UNC13C: variants seen among roughly 807,000 people sequenced by gnomAD.
UNC13C encodes unc-13 homolog C.
A neutral mutation model predicts 245.4 loss-of-function variants in UNC13C; 174 were observed. That is an observed-to-expected ratio of 0.71 (90% CI 0.63 to 0.80). The LOEUF is 0.80. Among genes scored for constraint, UNC13C ranks in the 30% least tolerant of loss-of-function variants. The pLI, the probability that UNC13C is intolerant of heterozygous loss-of-function variation, is 0.00. For synonymous variants in UNC13C, 992 were observed against 895.1 expected, an observed-to-expected ratio of 1.11 and a Z score of -1.93; for missense variants, 2,829 against 2,602.9, an observed-to-expected ratio of 1.09 and a Z score of -1.89.
At chr15:54,302,989 A>G (rs2037627422) in intron 13 of UNC13C, among the ~76,000 whole-genome samples, 1 of 152,172 alleles carries the variant, frequency 6.6e-6, no homozygotes. Flanking sequence ...CTTTTTCAGT[A>G]CATAGAATGT....
chr15:54,168,642 T>C (rs1595938851), intron 4 of UNC13C, among the ~76,000 whole-genome samples: 1 of 152,322 alleles, frequency 6.6e-6, no homozygotes, highest in African/African-American at 2.4e-5. Context: ...TGTTCTTGAT[T>C]ATTTTTGAGG....
intron 19 of UNC13C, among the ~76,000 whole-genome samples, chr15:54,452,690 T>G (rs1338451414): frequency 1.3e-5 from 2 of 152,206 alleles, no homozygotes; most frequent in African/African-American, 4.8e-5. Flanking sequence ...CCCAGCAGCA[T>G]GCTTTTGTGG....
upstream of UNC13C, among the ~76,000 whole-genome samples, chr15:53,978,397 T>C (rs943248005): frequency 6.6e-5 from 10 of 151,974 alleles, no homozygotes; most frequent in Non-Finnish European, 1.5e-4. Context: ...GCCCGGGCGC[T>C]CTCGGTGGAG....
At chr15:54,126,542 C>T (rs1019113374) in intron 2 of UNC13C, among the ~76,000 whole-genome samples, 1 of 152,038 alleles carries the variant, frequency 6.6e-6, no homozygotes, top group African/African-American at 2.4e-5. Flanking sequence ...TCCCATACTA[C>T]ACTGATGAAA....
intron 4 of UNC13C, among the ~76,000 whole-genome samples, chr15:54,167,231 G>A (rs1006821851): frequency 6.6e-6 from 1 of 152,016 alleles, no homozygotes; most frequent in African/African-American, 2.4e-5. Context: ...GGCCGGGTGC[G>A]ATGGCTCATG....
chr15:54,453,161 G>A (rs146604137), intron 19 of UNC13C, among the ~76,000 whole-genome samples: 126 of 152,186 alleles, frequency 8.3e-4, no homozygotes, highest in African/African-American at 2.6e-3. Flanking sequence ...GTTTATCTCC[G>A]TGCCCACAAG....
intron 1 of UNC13C, among the ~76,000 whole-genome samples, chr15:53,986,356 C>T (rs143092190): frequency 2.0e-5 from 3 of 151,980 alleles, no homozygotes; most frequent in Non-Finnish European, 2.9e-5. Flanking sequence ...TTTTGTTTCT[C>T]GATTTTGTAT....
At chr15:54,083,692 C>T (rs1899079691) in intron 2 of UNC13C, among the ~76,000 whole-genome samples, 1 of 152,124 alleles carries the variant, frequency 6.6e-6, no homozygotes, top group South Asian at 2.1e-4. Flanking sequence ...GCTGCACTCC[C>T]TCCTCCCTTG....
At chr15:54,320,278 C>T (rs566825417) in intron 13 of UNC13C, among the ~76,000 whole-genome samples, 1 of 151,948 alleles carries the variant, frequency 6.6e-6, no homozygotes, top group African/African-American at 2.4e-5. Context: ...AGTAGGGAAA[C>T]TCCTGCGCAG....
chr15:53,977,305 G>A (rs138657384), upstream of UNC13C, among the ~76,000 whole-genome samples: 2 of 152,078 alleles, frequency 1.3e-5, no homozygotes, highest in African/African-American at 4.8e-5. Flanking sequence ...TGTCACATAC[G>A]GTAGGTGAAA....
the UNC13C span, among the ~76,000 whole-genome samples, chr15:53,860,383 C>A: frequency 6.6e-6 from 1 of 152,058 alleles, no homozygotes; most frequent in African/African-American, 2.4e-5. Context: ...ATCGAAGGGA[C>A]CAGTAGAAGT....
intron 4 of UNC13C, among the ~76,000 whole-genome samples, chr15:54,187,912 T>G (rs1215506447): frequency 2.0e-5 from 3 of 152,030 alleles, no homozygotes; most frequent in African/African-American, 4.8e-5. Context: ...CGGGTGCAAG[T>G]GATTCTCCTG....
At chr15:54,135,251 T>A (rs1446808740) in intron 2 of UNC13C, among the ~76,000 whole-genome samples, 3 of 152,216 alleles carry the variant, frequency 2.0e-5, no homozygotes, top group Non-Finnish European at 2.9e-5. Context: ...CATTTCACGG[T>A]TTCCTTTTCA....
chr15:54,428,875 C>T (rs2040811008), intron 19 of UNC13C, among the ~76,000 whole-genome samples: 1 of 151,710 alleles, frequency 6.6e-6, no homozygotes, highest in South Asian at 2.1e-4. Flanking sequence ...CTGCCCCACC[C>T]TTTCTCGGAT....
intron 2 of UNC13C, among the ~76,000 whole-genome samples, chr15:54,060,820 G>A (rs943916471): frequency 6.6e-6 from 1 of 152,122 alleles, no homozygotes; most frequent in African/African-American, 2.4e-5. Context: ...CCTTTGTAGG[G>A]ACATGGATGA....
At position 54,553,884 on chromosome 15, in the gene UNC13C, CT is replaced by C. The variant is rs1202192780; in HGVS notation, c.5878-1546del. On this transcript the variant is annotated intron_variant, in intron 28 of 32. Coordinates refer to ENST00000260323, the MANE Select transcript of UNC13C (RefSeq NM_001080534.3). ...ATTTAATAGAAAATATTTTTAATTA[CT>C]TGTCTGAAAGCATTTTCCCCTATAA... is the stretch of plus-strand genomic sequence containing the variant. Among the ~76,000 whole-genome samples, 2 of 151,846 alleles carry C rather than the reference CT, an allele frequency of 1.3e-5. 1 individual carries two copies. Among genetic ancestry groups the C allele is most frequent in the Admixed American group, 1.3e-4 (2 of 15,156 alleles).
intron 13 of UNC13C, chr15:54,321,440 A>T: frequency 2.0e-6 from 1 of 495,142 alleles, no homozygotes; most frequent in Admixed American, 2.1e-5. Flanking sequence ...CAACTCTTGC[A>T]TCTGCCTTTG....
At chr15:54,575,544 G>A (rs1175065478) in intron 30 of UNC13C, among the ~76,000 whole-genome samples, 1 of 151,158 alleles carries the variant, frequency 6.6e-6, no homozygotes, top group Non-Finnish European at 1.5e-5. Flanking sequence ...TATTTCATTG[G>A]CAGAAAAACT....
intron 2 of UNC13C, among the ~76,000 whole-genome samples, chr15:54,124,966 T>C (rs934116691): frequency 1.3e-5 from 2 of 152,226 alleles, no homozygotes; most frequent in African/African-American, 4.8e-5. Context: ...GGTCTTTTTC[T>C]GGGCTCTCTA....
Sources: allele counts gnomAD v4.1 joint callset (sites outside exome capture counted in the v4.1 genomes callset), GRCh38; gene constraint gnomAD v4.1.1; transcripts MANE v1.5; gene names NCBI Gene and HGNC (gene_info 2026-07-23, HGNC 2026-07-21).